The following ATG7 variants were observed in gnomAD, a reference collection of about 807,000 sequenced individuals.
The protein encoded by ATG7 is autophagy related 7.
In ATG7, 70 loss-of-function variants were observed where a neutral mutation model predicts 82.4. The observed-to-expected ratio is 0.85, with a 90% CI of 0.70 to 1.04. The LOEUF (loss-of-function observed/expected upper bound fraction) is 1.04, where lower values mean the gene tolerates loss of function less well. Among genes scored for constraint, ATG7 ranks in the 50% least tolerant of loss-of-function variants. The probability of loss-of-function intolerance (pLI) is 0.00; values close to 1 mark genes in which losing one functional copy is unlikely to be tolerated. For missense variants in ATG7, 792 were observed against 864.3 expected, an observed-to-expected ratio of 0.92 and a Z score of 1.05; for synonymous variants, 287 against 313.0, an observed-to-expected ratio of 0.92 and a Z score of 0.88.
chr3:11,563,738 T>C, the ATG7 span, among the ~76,000 whole-genome samples: 8 of 152,198 alleles, frequency 5.3e-5, no homozygotes, highest in Non-Finnish European at 1.2e-4. Context: ...TGGTACCCCC[T>C]GGCACACAGC....
chr3:11,567,721 A>G, the ATG7 span, among the ~76,000 whole-genome samples: 1 of 152,230 alleles, frequency 6.6e-6, no homozygotes, highest in African/African-American at 2.4e-5. Flanking sequence ...CAGTCCTGAG[A>G]TCTGCTGGCT....
At chr3:11,507,116 T>C (rs1433034416) in intron 20 of ATG7, among the ~76,000 whole-genome samples, 2 of 152,014 alleles carry the variant, frequency 1.3e-5, no homozygotes, top group Non-Finnish European at 2.9e-5. Context: ...ACCCCGCCTC[T>C]ACTAAAAATA....
At chr3:11,296,831 T>C (rs1946002844) in intron 3 of ATG7, among the ~76,000 whole-genome samples, 1 of 152,216 alleles carries the variant, frequency 6.6e-6, no homozygotes, top group Non-Finnish European at 1.5e-5. Context: ...GCCCATCTGC[T>C]TCACGGTGTC....
rs138659601 is a variant in ATG7 at position 11,362,698 on chromosome 3, A to G, written c.1684-115A>G. 2.2e-3 allele frequency: 1,664 copies of G among 756,904 alleles called. 29 individuals are homozygous for G. The African/African-American group carries it at 0.026, about 12-fold the overall frequency. The allele number at this position is 756,904 out of a possible 1,614,324, so 46.9% of individuals were successfully genotyped here. On this transcript the variant is annotated intron_variant, in intron 16 of 20. Transcript: ENST00000693202. ...ACTTGAGGCTGGATGTTCTTTGCCA[A>G]CAATGAGCATCTGGTTATAATTTAA...
chr3:11,364,779 GA>G, intron 18 of ATG7, 45 bp downstream of exon 18: 7 of 1,598,656 alleles, frequency 4.4e-6, no homozygotes, highest in Non-Finnish European at 6.0e-6. Context: ...GGTACAGGGG[GA>G]AAGCATGTGG....
intron 20 of ATG7, among the ~76,000 whole-genome samples, chr3:11,461,643 T>C (rs2152999071): frequency 6.6e-6 from 1 of 152,268 alleles, no homozygotes; most frequent in East Asian, 1.9e-4. Flanking sequence ...AAGAAAATGG[T>C]AATGTTTGTA....
At chr3:11,458,555 G>A (rs983971965) in intron 20 of ATG7, among the ~76,000 whole-genome samples, 37 of 152,156 alleles carry the variant, frequency 2.4e-4, no homozygotes, top group African/African-American at 7.2e-4. Context: ...GAGCCACTGC[G>A]CCTGGCCTAG....
intron 9 of ATG7, among the ~76,000 whole-genome samples, chr3:11,330,361 A>C (rs1196637358): frequency 1.3e-5 from 2 of 152,182 alleles, no homozygotes; most frequent in African/African-American, 4.8e-5. Context: ...TATTTATATC[A>C]GTGTGGACTC....
intron 16 of ATG7, among the ~76,000 whole-genome samples, chr3:11,361,405 C>T (rs2076275424): frequency 6.6e-6 from 1 of 151,934 alleles, no homozygotes; most frequent in South Asian, 2.1e-4. Context: ...CTGCCTCAGC[C>T]TCCTGAGTAG....
intron 20 of ATG7, among the ~76,000 whole-genome samples, chr3:11,475,062 T>G: frequency 1.3e-5 from 2 of 150,440 alleles, no homozygotes; most frequent in South Asian, 2.1e-4. Flanking sequence ...GGCCACTGTG[T>G]GGGGAATGGA....
chr3:11,403,014 G>A (rs1322599277), intron 19 of ATG7, among the ~76,000 whole-genome samples: 1 of 152,276 alleles, frequency 6.6e-6, no homozygotes, highest in Non-Finnish European at 1.5e-5. Context: ...AGTACATTAA[G>A]ACATATCAAA....
chr3:11,281,210 A>G (rs1162382025), intron 2 of ATG7, 108 bp downstream of exon 2: 1 of 152,266 alleles, frequency 6.6e-6, no homozygotes, highest in Admixed American at 6.5e-5. Flanking sequence ...GCACTGCACA[A>G]GAGGCCACAT....
chr3:11,457,037 G>T (rs866455578), intron 20 of ATG7, among the ~76,000 whole-genome samples: 2 of 152,092 alleles, frequency 1.3e-5, no homozygotes, highest in African/African-American at 4.8e-5. Flanking sequence ...GGCTTTGCAG[G>T]GTTTTTACTC....
chr3:11,371,327 A>T (rs2076981245), intron 18 of ATG7, among the ~76,000 whole-genome samples: 1 of 151,028 alleles, frequency 6.6e-6, no homozygotes, highest in African/African-American at 2.4e-5. Flanking sequence ...AGTTTGAGGA[A>T]GGGAAAGGCC....
At chr3:11,398,338 G>A (rs2079506190) in intron 19 of ATG7, among the ~76,000 whole-genome samples, 1 of 151,998 alleles carries the variant, frequency 6.6e-6, no homozygotes, top group Admixed American at 6.6e-5. Flanking sequence ...AATTAAACAA[G>A]TTTCAACGAA....
intron 3 of ATG7, 53 bp from the exon 4 acceptor site, chr3:11,298,633 C>G: frequency 6.7e-7 from 1 of 1,501,942 alleles, no homozygotes; most frequent in Non-Finnish European, 9.1e-7. Context: ...TCTTTCTCAC[C>G]AGGTTTTGCA....
intron 20 of ATG7, among the ~76,000 whole-genome samples, chr3:11,433,289 TAAA>T (rs56859088): frequency 1.5e-3 from 125 of 83,808 alleles, no homozygotes; most frequent in Non-Finnish European, 1.9e-3. Flanking sequence ...GTCTCTTATT[TAAA>T]AAAAAAAAAA....
At chr3:11,390,211 G>A (rs1217109109) in intron 19 of ATG7, among the ~76,000 whole-genome samples, 4 of 152,116 alleles carry the variant, frequency 2.6e-5, no homozygotes, top group Admixed American at 1.3e-4. Context: ...CAATATTTTC[G>A]TTATTTCAGT....
chr3:11,503,459 CA>C (rs200366506), intron 20 of ATG7, among the ~76,000 whole-genome samples: 2 of 151,276 alleles, frequency 1.3e-5, no homozygotes, highest in African/African-American at 2.4e-5. Context: ...ATGCTATTAA[CA>C]AAAAAAAGGA....
Sources: gnomAD v4.1 joint callset for allele counts (sites outside exome capture counted in the v4.1 genomes callset) on GRCh38, gnomAD v4.1.1 for gene constraint, MANE v1.5 for transcripts, NCBI Gene and HGNC (gene_info 2026-07-23, HGNC 2026-07-21) for gene names.